The following MACF1 variants were observed in gnomAD, a reference collection of about 807,000 sequenced individuals.
MACF1 encodes the protein microtubule-actin cross-linking factor 1.
A neutral mutation model predicts 854.8 loss-of-function variants in MACF1; 193 were observed. The observed-to-expected ratio is 0.23, with a 90% CI of 0.20 to 0.25. MACF1 has a LOEUF of 0.25. MACF1 is among the 10% of genes least tolerant of loss of function. The pLI is 1.00. For missense variants in MACF1, 7,722 were observed against 8,929.1 expected (o/e 0.86, Z 5.45); for synonymous variants, 3,185 against 3,226.7 (o/e 0.99, Z 0.44).
Position 39,335,175 on chromosome 1 carries a change from GA to G in MACF1, c.8589del (p.Glu2863AspfsTer6). 3 of 1,613,924 alleles carry G rather than the reference GA, an allele frequency of 1.9e-6. No homozygotes were observed. Among genetic ancestry groups the G allele is most frequent in the Non-Finnish European group, 2.5e-6 (3 of 1,179,960 alleles). ...RKPRMSSDAKEFISIINPHNL... is the reference protein window; with the variant it reads ...RKPRMSSDAKXFISIINPHNL... ...GCCAAGAATGTCTTCAGATGCTAAA[GA>G]ATTTATCAGTATCATAAATCCTCAT... On this transcript the variant is annotated frameshift_variant, in exon 37 of 101. Coordinates refer to ENST00000564288, the MANE Select transcript of MACF1 (RefSeq NM_001394062.1). LOFTEE classifies it high-confidence loss of function.
rs72928322 is a variant in MACF1 at position 39,414,228 on chromosome 1, C to G, written c.15817-8146C>G. On this transcript the variant is annotated intron_variant, in intron 58 of 100. Transcript: ENST00000564288. ...TGCCCACCCCAGAGGTGCCTGCCAT[C>G]CCAGCTGCTGCAGTGCCTCCTATGG... 824 of 1,614,028 alleles carry G rather than the reference C, an allele frequency of 5.1e-4. 5 individuals are homozygous for G. In the African/African-American group the frequency reaches 5.4e-3, roughly 11 times the overall value.
chr1:39,131,071 C>CT (rs1304551567), intron 2 of MACF1, among the ~76,000 whole-genome samples: 1 of 148,120 alleles, frequency 6.8e-6, no homozygotes, highest in Non-Finnish European at 1.5e-5. Context: ...AGGCTGGTCT[C>CT]TAACTCCTGA....
At chr1:39,212,398 C>T (rs922604285) in intron 1 of MACF1, among the ~76,000 whole-genome samples, 1 of 152,038 alleles carries the variant, frequency 6.6e-6, no homozygotes, top group Admixed American at 6.6e-5. Flanking sequence ...GACCTTGTCC[C>T]CAAGACTCTA....
At chr1:39,353,300 A>ACCTTGCCCCTAAATCCAGTGAGCATTTCT in intron 44 of MACF1, 69 bp downstream of exon 44, 1 of 1,206,838 alleles carries the variant, frequency 8.3e-7, no homozygotes, top group African/African-American at 1.5e-5. Flanking sequence ...AACCACAATC[A>ACCTTGCCCCTAAATCCAGTGAGCATTTCT]CCTTGCCCCT....
In MACF1 at chr1:39,372,599, G is replaced by A. The variant is rs2148540353; in HGVS notation, c.13213+3G>A. The stretch of plus-strand genomic sequence containing the variant: ...ACCTGATTCCCAAGGCAAGACAGGT[G>A]AGTACAGGCTCTTCAAAATATAGTG... On this transcript the variant is annotated splice_donor_region_variant and intron_variant, in intron 52 of 100. Transcript: ENST00000564288. 1 of 1,581,268 alleles carries A rather than the reference G, an allele frequency of 6.3e-7. No homozygotes were observed. Among genetic ancestry groups the A allele is most frequent in the Non-Finnish European group, 8.7e-7 (1 of 1,150,304 alleles).
chr1:39,196,097 T>A (rs546142790), intron 2 of MACF1, among the ~76,000 whole-genome samples: 1 of 152,300 alleles, frequency 6.6e-6, no homozygotes, highest in East Asian at 1.9e-4. Flanking sequence ...CTGAGACAGA[T>A]GCTATTATTA....
At chr1:39,292,262 T>C (rs753497470) in intron 16 of MACF1, among the ~76,000 whole-genome samples, 3 of 152,212 alleles carry the variant, frequency 2.0e-5, no homozygotes, top group Non-Finnish European at 1.5e-5. Flanking sequence ...TTTACTAAAA[T>C]GAAAAGTGAT....
intron 58 of MACF1, among the ~76,000 whole-genome samples, chr1:39,416,558 A>G (rs1643320188): frequency 6.6e-6 from 1 of 152,178 alleles, no homozygotes; most frequent in Admixed American, 6.5e-5. Context: ...AAATATAAGG[A>G]TTAAATTTAT....
chr1:39,439,126 T>A (rs1570085640), intron 71 of MACF1, 148 bp from the exon 72 acceptor site: 2 of 502,330 alleles, frequency 4.0e-6, no homozygotes, highest in Non-Finnish European at 7.2e-6. Context: ...AAAACTAAAA[T>A]AGAAAATTAT....
chr1:39,158,206 G>A (rs1358824654), intron 2 of MACF1, among the ~76,000 whole-genome samples: 1 of 152,164 alleles, frequency 6.6e-6, no homozygotes, highest in East Asian at 1.9e-4. Context: ...GTGAAATAGT[G>A]TCCTGGAGTT....
At chr1:39,251,712 C>A (rs1645041943) in intron 3 of MACF1, 134 bp from the exon 4 acceptor site, 4 of 446,466 alleles carry the variant, frequency 9.0e-6, no homozygotes, top group Non-Finnish European at 1.5e-5. Flanking sequence ...AGTTTTGTAT[C>A]TTTTTCGGAG....
chr1:39,340,769 G>C (rs753608082), intron 39 of MACF1, 35 bp from the exon 40 acceptor site: 164 of 1,611,928 alleles, frequency 1.0e-4, no homozygotes, highest in Non-Finnish European at 1.4e-4. Flanking sequence ...GTGGCTGGGA[G>C]ATTTTCATAA....
chr1:39,319,903 C>A (rs1251969709), intron 31 of MACF1, among the ~76,000 whole-genome samples, 156 bp downstream of exon 31: 1 of 152,182 alleles, frequency 6.6e-6, no homozygotes, highest in Admixed American at 6.5e-5. Context: ...TTTCCTGCAA[C>A]CCCATGTTTG....
chr1:39,256,361 G>A (rs1645096115), intron 5 of MACF1, among the ~76,000 whole-genome samples: 1 of 152,136 alleles, frequency 6.6e-6, no homozygotes, highest in Non-Finnish European at 1.5e-5. Context: ...GAGGGGACAG[G>A]TTTTCCCACT....
chr1:39,347,842 AAAACAAAC>A (rs139820494), intron 41 of MACF1, among the ~76,000 whole-genome samples: 4 of 152,076 alleles, frequency 2.6e-5, no homozygotes, highest in Admixed American at 6.6e-5. Flanking sequence ...GGATGATACT[AAAACAAAC>A]AAACAAACAA....
At chr1:39,355,460 C>CTT (rs56202498) in intron 44 of MACF1, among the ~76,000 whole-genome samples, 3,053 of 81,160 alleles carry the variant, frequency 0.038, 83 homozygotes, top group Non-Finnish European at 0.047. Context: ...TTTTCTTCTG[C>CTT]TTTTTTTTTT....
At chr1:39,091,825 A>G (rs185087697) in intron 2 of MACF1, among the ~76,000 whole-genome samples, 14 of 152,246 alleles carry the variant, frequency 9.2e-5, no homozygotes, top group Non-Finnish European at 1.8e-4. Flanking sequence ...TTTCATGAAT[A>G]TCATTCATTC....
At chr1:39,087,380 G>A (rs1216566947) in intron 2 of MACF1, among the ~76,000 whole-genome samples, 2 of 152,190 alleles carry the variant, frequency 1.3e-5, no homozygotes, top group African/African-American at 4.8e-5. Flanking sequence ...GGCCTGATGG[G>A]GCAAGCCTGG....
At chr1:39,141,000 C>CGTT (rs1300433518) in intron 2 of MACF1, among the ~76,000 whole-genome samples, 1 of 149,674 alleles carries the variant, frequency 6.7e-6, no homozygotes, top group African/African-American at 2.5e-5. Context: ...ATCCTTAGAA[C>CGTT]CTATCTCCAT....
Sources: gnomAD v4.1 joint callset for allele counts (sites outside exome capture counted in the v4.1 genomes callset) on GRCh38, gnomAD v4.1.1 for gene constraint, MANE v1.5 for transcripts, NCBI Gene and HGNC (gene_info 2026-07-23, HGNC 2026-07-21) for gene names.